The following CPNE8 variants were observed in gnomAD, a reference collection of about 807,000 sequenced individuals.
CPNE8 encodes the protein copine-8.
CPNE8 carries 45 observed loss-of-function variants against 81.5 expected under a neutral mutation model. That is an observed-to-expected ratio of 0.55 (90% CI 0.44 to 0.71). The LOEUF (loss-of-function observed/expected upper bound fraction) is 0.71, where lower values mean the gene tolerates loss of function less well. Among genes scored for constraint, CPNE8 ranks in the 30% least tolerant of loss-of-function variants. The pLI, the probability that CPNE8 is intolerant of heterozygous loss-of-function variation, is 0.00. For missense variants in CPNE8, 594 were observed against 672.1 expected, an observed-to-expected ratio of 0.88 and a Z score of 1.28; for synonymous variants, 252 against 226.3, an observed-to-expected ratio of 1.11 and a Z score of -1.02.
At chr12:38,754,798 A>G (rs2136832083) in intron 10 of CPNE8, among the ~76,000 whole-genome samples, 1 of 152,232 alleles carries the variant, frequency 6.6e-6, no homozygotes, top group Non-Finnish European at 1.5e-5. Context: ...AATTCCATTT[A>G]TCAACATTTT....
chr12:38,826,763 G>A (rs1943200958), intron 6 of CPNE8, among the ~76,000 whole-genome samples: 1 of 151,156 alleles, frequency 6.6e-6, no homozygotes. Context: ...ATTTTCCACT[G>A]GTAAATTTTT....
chr12:38,747,332 G>A (rs1941249976), intron 10 of CPNE8, among the ~76,000 whole-genome samples: 2 of 152,110 alleles, frequency 1.3e-5, no homozygotes, highest in South Asian at 4.2e-4. Context: ...ACAAGTAAAG[G>A]AGTATGAATT....
rs781701063 is a variant in CPNE8 at position 38,693,792 on chromosome 12, T to C, written c.1008A>G (p.Gln336=). Residue 336 remains glutamine (Q), a synonymous_variant, in exon 15 of 20, where the codon CAA becomes CAG. Transcript: ENST00000331366. ...PTSLHYMNPY[Q]LNAYGMALKA... ...TTAGTGCCATACCATAGGCATTCAG[T>C]TGGTAAGGATTCATGTAGTGGAGGG... The C allele has an allele frequency of 4.7e-5, 75 of 1,612,724 alleles. 1 individual carries two copies. Among genetic ancestry groups the C allele is most frequent in the Non-Finnish European group, 5.9e-5 (69 of 1,179,472 alleles).
chr12:38,844,113 T>C (rs1943515616), intron 4 of CPNE8, among the ~76,000 whole-genome samples: 1 of 152,200 alleles, frequency 6.6e-6, no homozygotes, highest in Non-Finnish European at 1.5e-5. Flanking sequence ...TTGAGATCCA[T>C]CTAAAATATT....
chr12:38,874,585 G>A (rs1371883866), intron 1 of CPNE8, 74 bp from the exon 2 acceptor site: 14 of 900,586 alleles, frequency 1.6e-5, no homozygotes, highest in Admixed American at 4.2e-5. Context: ...ATATTAAAAT[G>A]TGTATGTACA....
intron 10 of CPNE8, among the ~76,000 whole-genome samples, chr12:38,752,591 C>T (rs1427464257): frequency 6.6e-6 from 1 of 152,150 alleles, no homozygotes; most frequent in Non-Finnish European, 1.5e-5. Flanking sequence ...GGTAACCTCA[C>T]AACAGAATAA....
chr12:38,679,096 T>C (rs2136652284), intron 16 of CPNE8, among the ~76,000 whole-genome samples: 1 of 151,940 alleles, frequency 6.6e-6, no homozygotes, highest in East Asian at 1.9e-4. Context: ...AAAGATAGGG[T>C]TTTATATTTC....
chr12:38,850,258 A>C (rs1167232186), intron 3 of CPNE8, among the ~76,000 whole-genome samples: 1 of 151,878 alleles, frequency 6.6e-6, no homozygotes, highest in Non-Finnish European at 1.5e-5. Context: ...AATGCACAAC[A>C]CTCTCAAAGA....
In CPNE8 at chr12:38,724,882, C is replaced by A. The variant is rs933774831; in HGVS notation, c.816G>T (p.Lys272Asn). Residue 272 changes from lysine to asparagine, a missense_variant, in exon 12 of 20, where the codon AAG becomes AAT. Coordinates refer to ENST00000331366, the MANE Select transcript of CPNE8 (RefSeq NM_153634.3). ...FNVYEVVNPK[K>N]KGKKKKYTNS... Reference sequence around the variant, plus strand: ...TAGTATATTTTTTCTTTTTTCCTTTCTTTTTGGGATTCACCACCTTAAAAA... The same window carrying A: ...TAGTATATTTTTTCTTTTTTCCTTTATTTTTGGGATTCACCACCTTAAAAA... 1 of 1,514,374 alleles carries A rather than the reference C, an allele frequency of 6.6e-7. No homozygotes were observed. Among genetic ancestry groups the A allele is most frequent in the Non-Finnish European group, 9.1e-7 (1 of 1,100,194 alleles). The allele number at this position is 1,514,374 out of a possible 1,614,324, so 93.8% of individuals were successfully genotyped here.
At chr12:38,724,677 A>G (rs1940651808) in intron 12 of CPNE8, among the ~76,000 whole-genome samples, 169 bp downstream of exon 12, 1 of 152,140 alleles carries the variant, frequency 6.6e-6, no homozygotes, top group South Asian at 2.1e-4. Flanking sequence ...CTTGATTACA[A>G]TCTGTCCCCT....
intron 13 of CPNE8, among the ~76,000 whole-genome samples, chr12:38,704,167 G>A (rs1940026637): frequency 6.6e-6 from 1 of 152,146 alleles, no homozygotes; most frequent in South Asian, 2.1e-4. Context: ...CTCAGTACCT[G>A]GGTGACAGGA....
chr12:38,898,325 C>T (rs1944415514), intron 1 of CPNE8, among the ~76,000 whole-genome samples: 1 of 151,962 alleles, frequency 6.6e-6, no homozygotes, highest in Admixed American at 6.6e-5. Context: ...AAAAATATAC[C>T]AGGGCAACTC....
chr12:38,751,385 A>C (rs1290299413), intron 10 of CPNE8, among the ~76,000 whole-genome samples: 1 of 152,136 alleles, frequency 6.6e-6, no homozygotes, highest in African/African-American at 2.4e-5. Flanking sequence ...GCATCTTCTT[A>C]TTATTGTACT....
rs1202942830 is a variant in CPNE8, at chr12:38,653,479, A to G, written c.*403T>C. ...TTTAAGAACAGTTATAAAAGTATTG[A>G]AATTTAAAAAGTAGTAACATGTAAA... On this transcript the variant is annotated 3_prime_UTR_variant, in exon 20 of 20. Coordinates refer to ENST00000331366, the MANE Select transcript of CPNE8 (RefSeq NM_153634.3). The G allele has an allele frequency of 6.4e-6, 1 of 155,078 alleles. No individual in the cohort carries two copies. Among genetic ancestry groups the G allele is most frequent in the Non-Finnish European group, 1.4e-5 (1 of 69,790 alleles). The allele number at this position is 155,078 out of a possible 1,614,324, so 9.6% of individuals were successfully genotyped here.
At chr12:38,741,194 A>G (rs929798000) in intron 10 of CPNE8, among the ~76,000 whole-genome samples, 5 of 152,184 alleles carry the variant, frequency 3.3e-5, no homozygotes, top group African/African-American at 1.2e-4. Flanking sequence ...TAAAGTTCAT[A>G]TGGAACCAAA....
intron 6 of CPNE8, among the ~76,000 whole-genome samples, chr12:38,779,053 C>T (rs1424375038): frequency 6.6e-6 from 1 of 152,140 alleles, no homozygotes; most frequent in Admixed American, 6.5e-5. Context: ...TCTAATTCAG[C>T]TGTACCTTTC....
intron 19 of CPNE8, among the ~76,000 whole-genome samples, chr12:38,657,722 T>C (rs953154300): frequency 6.6e-6 from 1 of 152,204 alleles, no homozygotes; most frequent in African/African-American, 2.4e-5. Context: ...CAATATTTGC[T>C]GTTCTGCAGC....
At chr12:38,730,229 GCA>G (rs2136763358) in intron 11 of CPNE8, 52 bp downstream of exon 11, 1 of 1,072,648 alleles carries the variant, frequency 9.3e-7, no homozygotes, top group East Asian at 2.4e-5. Context: ...CACTTTTAAA[GCA>G]CAGATTTATT....
At chr12:38,671,969 T>TC (rs1219806023) in intron 18 of CPNE8, among the ~76,000 whole-genome samples, 1 of 152,168 alleles carries the variant, frequency 6.6e-6, no homozygotes, top group African/African-American at 2.4e-5. Context: ...AAGACATTTT[T>TC]TAATCTCCCT....
Sources: gnomAD v4.1 joint callset for allele counts (sites outside exome capture counted in the v4.1 genomes callset) on GRCh38, gnomAD v4.1.1 for gene constraint, MANE v1.5 for transcripts, NCBI Gene and HGNC (gene_info 2026-07-23, HGNC 2026-07-21) for gene names.